The following TRIM7 variants were observed in gnomAD, a reference collection of about 807,000 sequenced individuals.
TRIM7 encodes E3 ubiquitin-protein ligase TRIM7.
In TRIM7, 32 loss-of-function variants were observed where a neutral mutation model predicts 37.9. The observed-to-expected ratio is 0.84, with a 90% CI of 0.64 to 1.13. The LOEUF (loss-of-function observed/expected upper bound fraction) is 1.13. Ranked by LOEUF, TRIM7 falls within the 50% of genes most tolerant of loss-of-function variation. TRIM7 has a pLI of 0.00. For synonymous variants in TRIM7, 351 were observed against 321.3 expected, an observed-to-expected ratio of 1.09 and a Z score of -0.99; for missense variants, 732 against 714.0, an observed-to-expected ratio of 1.03 and a Z score of -0.29.
At position 181,198,680 on chromosome 5, in the gene TRIM7, A is replaced by G. The variant is rs1757289146; in HGVS notation, c.988+10T>C. 2 of 1,601,442 alleles carry G rather than the reference A, an allele frequency of 1.2e-6. No individual in the cohort carries two copies. The highest frequency in any genetic ancestry group is 1.7e-6 in the Non-Finnish European group (2 of 1,168,624). Reference sequence around the variant, plus strand: ...CACTATGTGGCCCAGCTTGGCGCCCAGGCCCCTACCTTTGAACTTCTTCAG... The same window carrying G: ...CACTATGTGGCCCAGCTTGGCGCCCGGGCCCCTACCTTTGAACTTCTTCAG... On this transcript the variant is annotated intron_variant, in intron 5 of 6. Transcript: ENST00000274773.
At chr5:181,198,243 C>A in intron 5 of TRIM7, 25 bp from the exon 6 acceptor site, 2 of 1,613,602 alleles carry the variant, frequency 1.2e-6, no homozygotes, top group Non-Finnish European at 1.7e-6. Context: ...CAAAGCAAGG[C>A]GTGCATGAGC....
rs751564913 is a variant in TRIM7, at chr5:181,204,992, A to T, written c.119T>A (p.Val40Glu). 2.0e-6 allele frequency: 3 copies of T among 1,487,302 alleles called. No homozygotes were observed. The highest frequency in any genetic ancestry group is 2.7e-6 in the Non-Finnish European group (3 of 1,127,184). 92.1% of individuals were successfully genotyped at this position (1,487,302 alleles called of 1,614,324 possible). A position where few individuals can be genotyped will look rare whatever the true frequency, so the allele number is the denominator to read the frequency against. Residue 40 changes from valine to glutamate, a missense_variant, in exon 1 of 7, where the codon GTG becomes GAG. Physicochemically the swap from Val to Glu is moderately radical, Grantham distance 121. Transcript: ENST00000274773. ...GAAGCTGTGGCCGCACTCGACGGAC[A>T]CCGGCTCACGAAAGAGCTCTAGGCA... ...SICLELFREP[V>E]SVECGHSFCR...
chr5:181,201,742 AAAC>A, intron 2 of TRIM7, among the ~76,000 whole-genome samples: 1 of 152,310 alleles, frequency 6.6e-6, no homozygotes, highest in East Asian at 1.9e-4. Context: ...AAGCAAAACA[AAAC>A]AACAACAAAA....
intron 1 of TRIM7, 96 bp from the exon 2 acceptor site, chr5:181,203,736 C>T (rs1024418553): frequency 1.3e-6 from 2 of 1,512,210 alleles, no homozygotes; most frequent in Middle Eastern, 1.9e-4. Context: ...AAGGGAAGGC[C>T]CTGCTCACTG....
At chr5:181,204,491 C>G (rs895305618) in intron 1 of TRIM7, 98 bp downstream of exon 1, 67 of 1,243,302 alleles carry the variant, frequency 5.4e-5, no homozygotes, top group Non-Finnish European at 6.8e-5. Flanking sequence ...ACCCGGGCCT[C>G]CTGATCGACA....
chr5:181,194,526 ACT>A lies in TRIM7; in HGVS notation c.*638_*639del, dbSNP rs1176125347. On this transcript the variant is annotated 3_prime_UTR_variant, in exon 7 of 7. Coordinates refer to ENST00000274773, the MANE Select transcript of TRIM7 (RefSeq NM_203293.3). ...TCGCATTGGTCAGGATGCACCCATC[ACT>A]CTGTATCCTCCGGCTAAGGAGTGCT... 6.6e-6 allele frequency: 1 copy of A among 152,326 alleles called. No homozygotes were observed. The highest frequency in any genetic ancestry group is 2.4e-5 in the African/African-American group (1 of 41,458). The allele number at this position is 152,326 out of a possible 1,614,324, so 9.4% of individuals were successfully genotyped here.
At chr5:181,203,243 C>T (rs1463516839) in intron 2 of TRIM7, 3 of 1,211,210 alleles carry the variant, frequency 2.5e-6, no homozygotes, top group African/African-American at 1.6e-5. Context: ...AAGATGCTTC[C>T]GCAGGCCCTA....
At position 181,203,523 on chromosome 5, in the gene TRIM7, G is replaced by A. The variant is rs750986987; in HGVS notation, c.618+22C>T. ...CAGGCCTCTGTAATGTCCCACGGGG[G>A]GCCTGCGGGTGCCTGGCTCACCAGC... On this transcript the variant is annotated intron_variant, in intron 2 of 6. Transcript: ENST00000274773. 6.2e-6 allele frequency: 10 copies of A among 1,613,684 alleles called. No individual in the cohort carries two copies. The African/African-American group carries it at 1.2e-4, about 19-fold the overall frequency.
At position 181,194,389 on chromosome 5, in the gene TRIM7, A is replaced by C. The variant is rs560755006; in HGVS notation, c.*777T>G. ...CCCAGTCTCTTAAAAGAAAATTAAA[A>C]AGAAAGAGTAAATAAAGTTCCAGAA... On this transcript the variant is annotated 3_prime_UTR_variant, in exon 7 of 7. Transcript: ENST00000274773. The C allele has an allele frequency of 6.6e-6, 1 of 152,426 alleles. No individual in the cohort carries two copies. The highest frequency in any genetic ancestry group is 1.9e-4 in the East Asian group (1 of 5,184). 9.4% of individuals were successfully genotyped at this position (152,426 alleles called of 1,614,324 possible).
In TRIM7 at chr5:181,199,087, T is replaced by G; in HGVS notation, c.872+8A>C. 1.2e-6 allele frequency: 2 copies of G among 1,614,114 alleles called. No individual in the cohort carries two copies. The highest frequency in any genetic ancestry group is 1.7e-6 in the Non-Finnish European group (2 of 1,179,998). ...TAGAGAGGCCCCAGGAGCTGTGAGG[T>G]CACTCACCTGCTCAGCGTGCTTTTG... On this transcript the variant is annotated splice_region_variant and intron_variant, in intron 4 of 6. Transcript: ENST00000274773.
intron 6 of TRIM7, 43 bp downstream of exon 6, chr5:181,198,140 T>C (rs747653337): frequency 2.9e-5 from 47 of 1,610,890 alleles, no homozygotes; most frequent in Non-Finnish European, 3.8e-5. Flanking sequence ...AGGATCTCTG[T>C]GTGGCAGACA....
Position 181,199,927 on chromosome 5 carries a change from A to G in TRIM7, c.773T>C (p.Val258Ala), listed in dbSNP as rs416574. 0.32 allele frequency: 520,407 copies of G among 1,613,870 alleles called. 97,664 individuals are homozygous for G. Among genetic ancestry groups the G allele is most frequent in the African/African-American group, 0.85 (63,695 of 74,986 alleles). ...GAGCTTGGACAGCTGGGTGATCTCA[A>G]CCCCGAGCTGGGCCAGGTTCTCATT... is the stretch of plus-strand genomic sequence containing the variant. ...KQNENLAQLG[V>A]EITQLSKLSS... is the part of the protein sequence containing the mutation. Residue 258 changes from valine (V) to alanine (A), a missense_variant, in exon 3 of 7, where the codon GTT becomes GCT. Coordinates refer to ENST00000274773, the MANE Select transcript of TRIM7 (RefSeq NM_203293.3).
chr5:181,200,941 C>T (rs968140910), intron 2 of TRIM7: 3 of 985,114 alleles, frequency 3.0e-6, no homozygotes, highest in Non-Finnish European at 3.6e-6. Context: ...TAGCCTGGAG[C>T]GCCTTATGGA....
rs143743449 is a variant in TRIM7, at chr5:181,198,989, C to T, written c.872+106G>A. The T allele has an allele frequency of 3.6e-4, 537 of 1,480,322 alleles. 1 individual carries two copies. Among genetic ancestry groups the T allele is most frequent in the Admixed American group, 1.5e-3 (89 of 58,904 alleles). 91.7% of individuals were successfully genotyped at this position (1,480,322 alleles called of 1,614,324 possible). On this transcript the variant is annotated intron_variant, in intron 4 of 6. Transcript: ENST00000274773. ...TCGGAAGGTCCCCAGGCAAGCAAGTCGGGGGATCAGGAGGTGAGAGGTCAG... is the reference window on the plus strand; with the variant it reads ...TCGGAAGGTCCCCAGGCAAGCAAGTTGGGGGATCAGGAGGTGAGAGGTCAG...
chr5:181,203,719 C>T (rs1460270297), intron 1 of TRIM7, 79 bp from the exon 2 acceptor site: 1 of 1,532,596 alleles, frequency 6.5e-7, no homozygotes, highest in Non-Finnish European at 8.7e-7. Context: ...TGGAGCCAGC[C>T]AGGAGAAAGG....
rs561294393 is a variant in TRIM7, at chr5:181,203,315, T to TTAA, written c.618+227_618+229dup. ...CCTGATTCGCTGGGACAGCTCCAGT[T>TTAA]TAAGCCAGTTGTTTTGCAATAATTA... On this transcript the variant is annotated intron_variant, in intron 2 of 6. Transcript: ENST00000274773. 5.7e-5 allele frequency: 76 copies of TTAA among 1,341,146 alleles called. No homozygotes were observed. The African/African-American group carries it at 9.3e-4, about 16-fold the overall frequency. The allele number at this position is 1,341,146 out of a possible 1,614,324, so 83.1% of individuals were successfully genotyped here.
At chr5:181,198,576 C>T in intron 5 of TRIM7, 114 bp downstream of exon 5, 1 of 777,174 alleles carries the variant, frequency 1.3e-6, no homozygotes, top group South Asian at 1.5e-5. Flanking sequence ...ATGGCACAGC[C>T]AGCTCCTATT....
chr5:181,204,271 G>A, intron 1 of TRIM7: 1 of 1,097,544 alleles, frequency 9.1e-7, no homozygotes, highest in Non-Finnish European at 1.1e-6. Flanking sequence ...GAGCTGCGGA[G>A]ACGCAGACCA....
chr5:181,203,883 C>T (rs1757661112), intron 1 of TRIM7: 8 of 1,283,934 alleles, frequency 6.2e-6, no homozygotes, highest in African/African-American at 1.5e-5. Flanking sequence ...GGCAGCCCTA[C>T]CCCTAGTCGT....
Sources: allele counts gnomAD v4.1 joint callset (sites outside exome capture counted in the v4.1 genomes callset), GRCh38; gene constraint gnomAD v4.1.1; transcripts MANE v1.5; gene names NCBI Gene and HGNC (gene_info 2026-07-23, HGNC 2026-07-21).